The following ENTPD4 variants were observed in gnomAD, a reference collection of about 807,000 sequenced individuals.
ENTPD4 encodes Golgi UDPase.
In ENTPD4, 60 loss-of-function variants were observed where a neutral mutation model predicts 79.1. The observed-to-expected ratio is 0.76, with a 90% CI of 0.62 to 0.94. The LOEUF (loss-of-function observed/expected upper bound fraction) is 0.94. Ranked by LOEUF, ENTPD4 falls within the 40% of genes least tolerant of loss-of-function variation. The pLI is 0.00. For synonymous variants in ENTPD4, 276 were observed against 292.0 expected (o/e 0.95, Z 0.56); for missense variants, 772 against 775.1 (o/e 1.00, Z 0.05).
intron 12 of ENTPD4, 190 bp downstream of exon 12, chr8:23,434,127 T>C (rs3817676): frequency 0.28 from 181,959 of 643,608 alleles, 26,834 homozygotes; most frequent in East Asian, 0.44. Flanking sequence ...TACGGGATGG[T>C]AGGGTGAGAA....
chr8:23,434,421 A>G lies in ENTPD4; in HGVS notation c.1518T>C (p.Phe506=), dbSNP rs751984053. The G allele has an allele frequency of 9.3e-6, 15 of 1,614,086 alleles. No homozygotes were observed. The African/African-American group carries it at 1.6e-4, about 17-fold the overall frequency. The change falls in exon 12 of 13, where the codon TTT becomes TTC. Residue 506 remains phenylalanine (F), a synonymous_variant. Coordinates refer to ENST00000358689, the MANE Select transcript of ENTPD4 (RefSeq NM_004901.5). ...MFEVFHRGFS[F]PVNYKSLKTA... ...TCTTTAAGCTTTTATAGTTGACAGG[A>G]AACGAAAAGCCCCTATGAAACACCT... is the stretch of plus-strand genomic sequence containing the variant.
chr8:23,433,449 G>T (rs190428896), intron 12 of ENTPD4, among the ~76,000 whole-genome samples: 162 of 152,204 alleles, frequency 1.1e-3, no homozygotes, highest in African/African-American at 3.8e-3. Flanking sequence ...TAAACAAACT[G>T]CATGCTTGTG....
intron 4 of ENTPD4, among the ~76,000 whole-genome samples, chr8:23,446,737 C>T (rs1448634010): frequency 1.3e-5 from 2 of 152,096 alleles, no homozygotes; most frequent in African/African-American, 4.8e-5. Context: ...CTCGAGGGGT[C>T]ACCATTCTAC....
At position 23,453,425 on chromosome 8, in the gene ENTPD4, G is replaced by C. The variant is rs372977865; in HGVS notation, c.-97-3428C>G. On this transcript the variant is annotated intron_variant, in intron 1 of 12. Transcript: ENST00000358689. ...TATGAATACACACAACTTGGGAAAA[G>C]TACTTGTAAAGTGCATGACAAAGAG... Among the ~76,000 whole-genome samples the C allele has an allele frequency of 5.3e-5, 8 of 152,246 alleles. No individual in the cohort carries two copies. In the East Asian group the frequency reaches 5.8e-4, roughly 11 times the overall value.
intron 3 of ENTPD4, 115 bp from the exon 4 acceptor site, chr8:23,448,000 C>T (rs2117299791): frequency 1.3e-6 from 1 of 746,168 alleles, no homozygotes; most frequent in South Asian, 1.6e-5. Context: ...AGCAGCACCA[C>T]TATAACATCA....
chr8:23,453,010 G>A (rs763943016), intron 1 of ENTPD4, among the ~76,000 whole-genome samples: 5 of 152,150 alleles, frequency 3.3e-5, no homozygotes, highest in Non-Finnish European at 5.9e-5. Flanking sequence ...CAAATCATGA[G>A]TAACTATTGC....
At chr8:23,448,521 A>G (rs1800802166) in intron 3 of ENTPD4, among the ~76,000 whole-genome samples, 1 of 152,196 alleles carries the variant, frequency 6.6e-6, no homozygotes, top group Non-Finnish European at 1.5e-5. Context: ...GTGAGGAAAC[A>G]GCAAGAAGAC....
chr8:23,444,717 A>T, intron 4 of ENTPD4, 111 bp from the exon 5 acceptor site: 2 of 905,686 alleles, frequency 2.2e-6, no homozygotes, highest in Non-Finnish European at 3.4e-6. Flanking sequence ...ACACTTCCTT[A>T]GTTTTTCCTA....
At chr8:23,447,653 A>G (rs1464417159) in intron 4 of ENTPD4, 27 bp downstream of exon 4, 10 of 1,570,544 alleles carry the variant, frequency 6.4e-6, no homozygotes, top group Non-Finnish European at 8.8e-6. Context: ...CACCCTGGTT[A>G]CCAGGCAGAT....
In ENTPD4 at chr8:23,441,661, T is replaced by A; in HGVS notation, c.790A>T (p.Lys264Ter). Residue 264 changes from lysine to a stop codon, truncating the protein, a stop_gained, in exon 8 of 13, where the codon AAA (lysine) becomes TAA (stop). Transcript: ENST00000358689. LOFTEE classifies it high-confidence loss of function. ...GSESSEAIVR[K>*]RTAGILDMGG... ...ATGTCGAGAATGCCCGCTGTCCTTT[T>A]ACGGACAATGGCTTCGCTGCTTTCA... The A allele has an allele frequency of 6.2e-7, 1 of 1,614,162 alleles. No homozygotes were observed. Among genetic ancestry groups the A allele is most frequent in the Non-Finnish European group, 8.5e-7 (1 of 1,180,004 alleles).
At chr8:23,441,539 A>G in intron 8 of ENTPD4, 30 bp downstream of exon 8, 3 of 1,605,066 alleles carry the variant, frequency 1.9e-6, no homozygotes, top group South Asian at 2.2e-5. Flanking sequence ...AAACCAAACC[A>G]AACAGAAGGA....
At chr8:23,435,704 G>C (rs1212326136) in intron 10 of ENTPD4, among the ~76,000 whole-genome samples, 1 of 152,158 alleles carries the variant, frequency 6.6e-6, no homozygotes, top group Non-Finnish European at 1.5e-5. Flanking sequence ...TATTGTTAAA[G>C]AGAGCTTTGC....
intron 3 of ENTPD4, among the ~76,000 whole-genome samples, chr8:23,448,386 C>A (rs548129021): frequency 9.4e-4 from 143 of 152,260 alleles, no homozygotes; most frequent in Admixed American, 1.8e-3. Context: ...GTCTGGGGCC[C>A]CCCAAAATTC....
chr8:23,439,532 C>T (rs535243319), intron 9 of ENTPD4, among the ~76,000 whole-genome samples: 3 of 152,276 alleles, frequency 2.0e-5, no homozygotes, highest in South Asian at 2.1e-4. Flanking sequence ...AGAGAGCGCA[C>T]GCACACACCT....
chr8:23,436,357 C>T (rs1053292548), intron 10 of ENTPD4, among the ~76,000 whole-genome samples: 3 of 152,054 alleles, frequency 2.0e-5, no homozygotes, highest in African/African-American at 4.8e-5. Flanking sequence ...GGATGGTTGG[C>T]GATGCCATTA....
At position 23,444,168 on chromosome 8, in the gene ENTPD4, G is replaced by C. The variant is rs576659096; in HGVS notation, c.564-215C>G. The stretch of plus-strand genomic sequence containing the variant: ...AGTTGTGTGAATTATGTGATTTCTA[G>C]ATGTAAAACTACAACTGCAAGCATT... On this transcript the variant is annotated intron_variant, in intron 5 of 12. Transcript: ENST00000358689. Among the ~76,000 whole-genome samples the C allele has an allele frequency of 3.3e-5, 5 of 152,238 alleles. No homozygotes were observed. The South Asian group carries it at 1.0e-3, about 31-fold the overall frequency.
At chr8:23,440,892 C>G (rs147233359) in intron 8 of ENTPD4, among the ~76,000 whole-genome samples, 18 of 152,328 alleles carry the variant, frequency 1.2e-4, no homozygotes, top group Admixed American at 5.2e-4. Flanking sequence ...CTGTCTAGCT[C>G]CACGGTCTCA....
At chr8:23,449,753 C>A in intron 2 of ENTPD4, 140 bp downstream of exon 2, 1 of 727,348 alleles carries the variant, frequency 1.4e-6, no homozygotes, top group Non-Finnish European at 2.5e-6. Context: ...CCTCACTGGG[C>A]CCTGGAAGAA....
Position 23,432,243 on chromosome 8 carries a change from G to GT in ENTPD4, c.*682dup, listed in dbSNP as rs1800467944. The GT allele has an allele frequency of 1.0e-6, 1 of 985,340 alleles. No homozygotes were observed. Among genetic ancestry groups the GT allele is most frequent in the African/African-American group, 1.7e-5 (1 of 57,330 alleles). 61.0% of individuals were successfully genotyped at this position (985,340 alleles called of 1,614,324 possible). On this transcript the variant is annotated 3_prime_UTR_variant, in exon 13 of 13. Coordinates refer to ENST00000358689, the MANE Select transcript of ENTPD4 (RefSeq NM_004901.5). ...AGAGGATTATCATTTCAGGCAGTAA[G>GT]TTTTTTGGTTCTATGAAAGCATCAC... is the stretch of plus-strand genomic sequence containing the variant.
Sources: allele counts gnomAD v4.1 joint callset (sites outside exome capture counted in the v4.1 genomes callset), GRCh38; gene constraint gnomAD v4.1.1; transcripts MANE v1.5; gene names NCBI Gene and HGNC (gene_info 2026-07-23, HGNC 2026-07-21).